The following SPATA21 variants were observed in gnomAD, a reference collection of about 807,000 sequenced individuals.
SPATA21 encodes the protein spermatogenesis associated 21.
A neutral mutation model predicts 54.8 loss-of-function variants in SPATA21; 47 were observed. The observed-to-expected ratio is 0.86, with a 90% confidence interval of 0.68 to 1.09. The LOEUF (loss-of-function observed/expected upper bound fraction) is 1.09, where lower values mean the gene tolerates loss of function less well. Among genes scored for constraint, SPATA21 ranks in the 50% least tolerant of loss-of-function variants. SPATA21 has a pLI of 0.00. For missense variants in SPATA21, 599 were observed against 596.4 expected (o/e 1.00, Z -0.05); for synonymous variants, 245 against 235.3 (o/e 1.04, Z -0.38).
intron 7 of SPATA21, 33 bp from the exon 8 acceptor site, chr1:16,405,137 G>T: frequency 1.3e-6 from 2 of 1,578,390 alleles, no homozygotes; most frequent in Non-Finnish European, 1.7e-6. Flanking sequence ...TGGAGTGGGG[G>T]CATTTCTTGT....
chr1:16,412,830 G>A (rs946625481), intron 5 of SPATA21, among the ~76,000 whole-genome samples: 3 of 150,070 alleles, frequency 2.0e-5, no homozygotes, highest in Admixed American at 1.3e-4. Context: ...TTGCTCTGTC[G>A]CCAGGCTGGA....
intron 3 of SPATA21, among the ~76,000 whole-genome samples, chr1:16,430,310 ATAG>A (rs2086428013): frequency 6.6e-6 from 1 of 151,138 alleles, no homozygotes; most frequent in Admixed American, 6.6e-5. Flanking sequence ...AGCCACGCCT[ATAG>A]TTCCAGCTAC....
rs936774091 is a variant in SPATA21 at position 16,421,223 on chromosome 1, A to G, written c.144+286T>C. On this transcript the variant is annotated intron_variant, in intron 5 of 12. Coordinates refer to ENST00000335496, the MANE Select transcript of SPATA21 (RefSeq NM_198546.1). The surrounding 1 kb of genome is among the most constrained non-coding windows in gnomAD (Gnocchi z 5.2). ...AAATGGGTGGAAGAAATCCATGCTGATGTGGAACAAGCCACCACCTGGGAT... is the reference window on the plus strand; with the variant it reads ...AAATGGGTGGAAGAAATCCATGCTGGTGTGGAACAAGCCACCACCTGGGAT... Among the ~76,000 whole-genome samples the G allele has an allele frequency of 6.6e-5, 10 of 152,072 alleles. No individual in the cohort carries two copies. The highest frequency in any genetic ancestry group is 2.2e-4 in the African/African-American group (9 of 41,394).
At chr1:16,401,421 G>A in intron 10 of SPATA21, among the ~76,000 whole-genome samples, 1 of 152,140 alleles carries the variant, frequency 6.6e-6, no homozygotes, top group Non-Finnish European at 1.5e-5. Context: ...CTAGCCTCTT[G>A]AGTAGTTGGG....
chr1:16,437,831 C>T (rs1256222094), upstream of SPATA21, among the ~76,000 whole-genome samples: 2 of 152,148 alleles, frequency 1.3e-5, no homozygotes, highest in African/African-American at 4.8e-5. Context: ...GTGGGTGGAT[C>T]ACTTGAGGTC....
chr1:16,401,840 C>T (rs1012107456), intron 10 of SPATA21, among the ~76,000 whole-genome samples: 1 of 152,150 alleles, frequency 6.6e-6, no homozygotes, highest in Non-Finnish European at 1.5e-5. Flanking sequence ...CTTGCCTTTT[C>T]CCCCGCTAGA....
intron 3 of SPATA21, among the ~76,000 whole-genome samples, chr1:16,427,691 A>G (rs2100888021): frequency 6.6e-6 from 1 of 152,214 alleles, no homozygotes; most frequent in Non-Finnish European, 1.5e-5. Context: ...AGTTCAGACA[A>G]AAGGTTAACA....
intron 5 of SPATA21, among the ~76,000 whole-genome samples, chr1:16,413,920 C>T (rs189790313): frequency 2.0e-5 from 3 of 152,050 alleles, no homozygotes; most frequent in Admixed American, 2.0e-4. Flanking sequence ...GCCTATCATA[C>T]TGTTTACCAC....
intron 7 of SPATA21, among the ~76,000 whole-genome samples, chr1:16,408,891 A>C (rs1570123565): frequency 8.3e-6 from 1 of 120,184 alleles, no homozygotes; most frequent in African/African-American, 3.2e-5. Context: ...AAAAAAAAAG[A>C]CCCAGCATGA....
At chr1:16,412,528 T>A (rs1192805451) in intron 5 of SPATA21, among the ~76,000 whole-genome samples, 2 of 152,150 alleles carry the variant, frequency 1.3e-5, no homozygotes, top group African/African-American at 2.4e-5. Flanking sequence ...AGTGGCACGA[T>A]CTTGGCTCAC....
intron 2 of SPATA21, 137 bp from the exon 3 acceptor site, chr1:16,431,559 C>A (rs2086458855): frequency 9.6e-6 from 7 of 727,226 alleles, no homozygotes; most frequent in Non-Finnish European, 1.5e-5. Context: ...GAGAGGCACG[C>A]AGCAAAACCA....
chr1:16,428,018 G>A lies in SPATA21; in HGVS notation c.34+3320C>T, dbSNP rs2086365681. 4 of 1,546,256 alleles carry A rather than the reference G, an allele frequency of 2.6e-6. 1 individual carries two copies. In the South Asian group the frequency reaches 4.8e-5, roughly 18 times the overall value. On this transcript the variant is annotated intron_variant, in intron 3 of 12. Transcript: ENST00000335496. This position sits in a 1 kb window ranked among gnomAD's most constrained non-coding sequence, Gnocchi z 4.3. ...TCCGAAGCATCCGGAAACATGACCTGGACAGAGATATCCATGGCAGTGGCT... is the reference window on the plus strand; with the variant it reads ...TCCGAAGCATCCGGAAACATGACCTAGACAGAGATATCCATGGCAGTGGCT...
Position 16,409,942 on chromosome 1 carries a change from C to A in SPATA21, c.246G>T (p.Arg82=). The A allele has an allele frequency of 6.2e-7, 1 of 1,613,770 alleles. No individual in the cohort carries two copies. ...AAGTQSLGNF[R]QGFMKCLLEV... is the part of the protein sequence containing the mutation. ...CCAGCAAGCACTTCATGAAGCCCTG[C>A]CGGAAGTTCCCGAGGCTCTGTGTCC... Residue 82 remains arginine (R), a synonymous_variant, in exon 6 of 13, where the codon CGG becomes CGT. Transcript: ENST00000335496. The surrounding 1 kb of genome is among the most constrained non-coding windows in gnomAD (Gnocchi z 4.1).
chr1:16,428,546 T>C lies in SPATA21; in HGVS notation c.34+2792A>G, dbSNP rs965823903. On this transcript the variant is annotated intron_variant, in intron 3 of 12. Coordinates refer to ENST00000335496, the MANE Select transcript of SPATA21 (RefSeq NM_198546.1). This position sits in a 1 kb window ranked among gnomAD's most constrained non-coding sequence, Gnocchi z 4.3. ...GTGGGATTACAGGTGTGCGCCACCA[T>C]GCCCAACTAATTTTTTTTTTTTATT... is the stretch of plus-strand genomic sequence containing the variant. 6.6e-6 allele frequency among the ~76,000 whole-genome samples: 1 copy of C among 151,866 alleles called. No individual in the cohort carries two copies. The highest frequency in any genetic ancestry group is 1.5e-5 in the Non-Finnish European group (1 of 68,018).
At chr1:16,400,176 G>A (rs1173461528) in intron 11 of SPATA21, among the ~76,000 whole-genome samples, 2 of 151,858 alleles carry the variant, frequency 1.3e-5, no homozygotes, top group Admixed American at 6.6e-5. Flanking sequence ...ACCGGTGCTC[G>A]CCACCACACC....
chr1:16,400,476 A>G, intron 11 of SPATA21: 1 of 1,258,964 alleles, frequency 7.9e-7, no homozygotes, highest in Non-Finnish European at 1.0e-6. Context: ...GGCTCATGGG[A>G]CCAACCTGTG....
chr1:16,406,301 T>C (rs1024071649), intron 7 of SPATA21, among the ~76,000 whole-genome samples: 11 of 152,172 alleles, frequency 7.2e-5, no homozygotes, highest in African/African-American at 2.7e-4. Flanking sequence ...TGCCATTTAA[T>C]GAGCCGGATT....
At chr1:16,425,336 A>C (rs1002731253) in intron 3 of SPATA21, 27 of 674,956 alleles carry the variant, frequency 4.0e-5, no homozygotes, top group Non-Finnish European at 6.1e-5. Context: ...GCTGGAGTGC[A>C]GTGGCCTGAA....
At chr1:16,423,486 G>A (rs1405385661) in intron 3 of SPATA21, among the ~76,000 whole-genome samples, 8 of 138,162 alleles carry the variant, frequency 5.8e-5, no homozygotes, top group African/African-American at 2.1e-4. Context: ...GCAACCAAAA[G>A]AACAACATGT....
Sources: allele counts gnomAD v4.1 joint callset (sites outside exome capture counted in the v4.1 genomes callset), GRCh38; gene constraint gnomAD v4.1.1; non-coding constraint Gnocchi (gnomAD v3.1); transcripts MANE v1.5; gene names NCBI Gene and HGNC (gene_info 2026-07-23, HGNC 2026-07-21).